AP2B1: variants seen among roughly 807,000 people sequenced by gnomAD.
AP2B1 encodes the protein adaptor related protein complex 2 subunit beta 1.
AP2B1 carries 23 observed loss-of-function variants against 102.0 expected under a neutral mutation model. That is an observed-to-expected ratio of 0.23 (90% CI 0.16 to 0.32). The LOEUF (loss-of-function observed/expected upper bound fraction) is 0.32, where lower values mean the gene tolerates loss of function less well. AP2B1 is among the 10% of genes least tolerant of loss of function. The pLI, the probability that AP2B1 is intolerant of heterozygous loss-of-function variation, is 1.00. For missense variants in AP2B1, 541 were observed against 1,157.4 expected (o/e 0.47, Z 7.73); for synonymous variants, 381 against 421.2 (o/e 0.90, Z 1.17).
chr17:35,672,987 G>T (rs556971431), intron 16 of AP2B1, among the ~76,000 whole-genome samples: 3 of 151,944 alleles, frequency 2.0e-5, no homozygotes, highest in African/African-American at 7.3e-5. Context: ...TTGCACCTTG[G>T]TTTTTCTCTA....
rs192814191 is a variant in AP2B1, at chr17:35,696,455, C to T, written c.2455-12769C>T. ...TTTAAGTCTCACTCTGTTGCCCAGG[C>T]TGGAGTCAATGGTGCCATCTTGGCT... On this transcript the variant is annotated intron_variant, in intron 18 of 21. Coordinates refer to ENST00000610402, the MANE Select transcript of AP2B1 (RefSeq NM_001030006.2). Among the ~76,000 whole-genome samples, 115 of 145,396 alleles carry T rather than the reference C, an allele frequency of 7.9e-4. 2 individuals are homozygous for T. In the East Asian group the frequency reaches 0.017, roughly 21 times the overall value.
intron 10 of AP2B1, among the ~76,000 whole-genome samples, chr17:35,638,527 G>T (rs552436940): frequency 6.6e-6 from 1 of 152,082 alleles, no homozygotes; most frequent in African/African-American, 2.4e-5. Flanking sequence ...GGTGGCTCAC[G>T]CCTGTAATCC....
chr17:35,681,279 T>TG (rs1241285459), intron 17 of AP2B1, among the ~76,000 whole-genome samples: 1 of 151,358 alleles, frequency 6.6e-6, no homozygotes, highest in Non-Finnish European at 1.5e-5. Flanking sequence ...CCTATGTAAG[T>TG]GAAAAAAAAA....
chr17:35,718,683 A>G (rs1261366769), intron 21 of AP2B1, among the ~76,000 whole-genome samples: 4 of 152,150 alleles, frequency 2.6e-5, no homozygotes, highest in Admixed American at 6.5e-5. Context: ...CCTTGTCTCA[A>G]TTGGAAGAAA....
chr17:35,691,095 T>C lies in AP2B1; in HGVS notation c.2454+8271T>C, dbSNP rs113172548. The stretch of plus-strand genomic sequence containing the variant: ...AAATAGACACAATGTCTCTTTTTTT[T>C]TTCTTTGAATATCTTTCTAAAACAA... On this transcript the variant is annotated intron_variant, in intron 18 of 21. Coordinates refer to ENST00000610402, the MANE Select transcript of AP2B1 (RefSeq NM_001030006.2). Among the ~76,000 whole-genome samples, 631 of 152,350 alleles carry C rather than the reference T, an allele frequency of 4.1e-3. 7 individuals carry two copies. The highest frequency in any genetic ancestry group is 7.8e-3 in the Admixed American group (119 of 15,288).
intron 9 of AP2B1, among the ~76,000 whole-genome samples, chr17:35,631,780 A>G (rs2074469615): frequency 6.6e-6 from 1 of 152,196 alleles, no homozygotes; most frequent in Admixed American, 6.5e-5. Context: ...TTTGAACTCT[A>G]GTTGAAGTGA....
chr17:35,678,954 G>A (rs2075758117), intron 17 of AP2B1, among the ~76,000 whole-genome samples: 1 of 125,194 alleles, frequency 8.0e-6, no homozygotes. Flanking sequence ...TTGGTAGCTA[G>A]CATTGTTGTT....
At chr17:35,718,348 G>GTC (rs2085245484) in intron 21 of AP2B1, among the ~76,000 whole-genome samples, 1 of 140,264 alleles carries the variant, frequency 7.1e-6, no homozygotes, top group South Asian at 2.5e-4. Flanking sequence ...GTGTGTGTGT[G>GTC]TGTGTGTGTG....
chr17:35,602,444 C>T (rs1469538186), intron 3 of AP2B1, among the ~76,000 whole-genome samples: 1 of 152,140 alleles, frequency 6.6e-6, no homozygotes, highest in Non-Finnish European at 1.5e-5. Context: ...GCCTTTCCTG[C>T]AAGTAACCTC....
intron 5 of AP2B1, among the ~76,000 whole-genome samples, chr17:35,614,489 C>T (rs926215723): frequency 5.3e-5 from 8 of 152,000 alleles, no homozygotes; most frequent in African/African-American, 1.9e-4. Context: ...CATGCCTGGC[C>T]TGCTTTTTGT....
At chr17:35,693,802 A>G (rs993397817) in intron 18 of AP2B1, among the ~76,000 whole-genome samples, 1 of 152,118 alleles carries the variant, frequency 6.6e-6, no homozygotes, top group Admixed American at 6.5e-5. Context: ...TGACAGTAAT[A>G]TGTATATGTA....
chr17:35,684,647 T>C (rs1445377974), intron 18 of AP2B1, among the ~76,000 whole-genome samples: 1 of 152,176 alleles, frequency 6.6e-6, no homozygotes, highest in East Asian at 1.9e-4. Context: ...GCAGATGGAA[T>C]TGGCTGTTAC....
intron 14 of AP2B1, among the ~76,000 whole-genome samples, chr17:35,664,079 A>C (rs558421718): frequency 6.6e-6 from 1 of 152,150 alleles, no homozygotes; most frequent in South Asian, 2.1e-4. Context: ...TCATTTAAGT[A>C]AAACCACAAA....
At chr17:35,605,936 A>T in intron 4 of AP2B1, 96 bp downstream of exon 4, 1 of 1,520,264 alleles carries the variant, frequency 6.6e-7, no homozygotes. Context: ...GGCAATGACT[A>T]GGAATGTTCA....
intron 14 of AP2B1, among the ~76,000 whole-genome samples, chr17:35,662,539 T>G (rs1162666565): frequency 1.1e-4 from 16 of 149,888 alleles, no homozygotes; most frequent in South Asian, 6.3e-4. Flanking sequence ...TTTGTTTTTT[T>G]TTTTTTTTTT....
At chr17:35,660,583 A>G (rs1478199906) in intron 14 of AP2B1, among the ~76,000 whole-genome samples, 1 of 150,766 alleles carries the variant, frequency 6.6e-6, no homozygotes, top group East Asian at 2.0e-4. Flanking sequence ...CCCAGGTTCA[A>G]GCGATTCTCC....
At chr17:35,720,716 C>T (rs1226888027) in intron 21 of AP2B1, among the ~76,000 whole-genome samples, 2 of 150,460 alleles carry the variant, frequency 1.3e-5, no homozygotes, top group Non-Finnish European at 3.0e-5. Flanking sequence ...GCCACTGCAC[C>T]TGGCCCACCC....
intron 11 of AP2B1, 108 bp downstream of exon 11, chr17:35,639,868 G>A: frequency 2.0e-6 from 2 of 990,082 alleles, no homozygotes; most frequent in African/African-American, 1.6e-5. Context: ...TTTACATATA[G>A]TATGTTCATT....
intron 17 of AP2B1, among the ~76,000 whole-genome samples, chr17:35,679,249 A>T (rs956277591): frequency 1.3e-5 from 2 of 152,026 alleles, no homozygotes; most frequent in African/African-American, 4.8e-5. Flanking sequence ...ATCTAACTTG[A>T]TTCTAGAGGG....
Sources: gnomAD v4.1 joint callset for allele counts (sites outside exome capture counted in the v4.1 genomes callset) on GRCh38, gnomAD v4.1.1 for gene constraint, MANE v1.5 for transcripts, NCBI Gene and HGNC (gene_info 2026-07-23, HGNC 2026-07-21) for gene names.